ELMO1: variants seen among roughly 807,000 people sequenced by gnomAD.
The protein encoded by ELMO1 is engulfment and cell motility 1, also known as engulfment and cell motility protein 1.
A neutral mutation model predicts 98.9 loss-of-function variants in ELMO1; 26 were observed. The observed-to-expected ratio is 0.26, with a 90% CI of 0.19 to 0.36. The LOEUF (loss-of-function observed/expected upper bound fraction) is 0.36, where lower values mean the gene tolerates loss of function less well. Ranked by LOEUF, ELMO1 falls within the 10% of genes least tolerant of loss-of-function variation. The pLI, the probability that ELMO1 is intolerant of heterozygous loss-of-function variation, is 1.00. For missense variants in ELMO1, 627 were observed against 935.2 expected, an observed-to-expected ratio of 0.67 and a Z score of 4.30; for synonymous variants, 346 against 346.0, an observed-to-expected ratio of 1.00 and a Z score of 0.00.
At chr7:37,341,592 AG>A (rs1441011810) in intron 2 of ELMO1, among the ~76,000 whole-genome samples, 2 of 152,212 alleles carry the variant, frequency 1.3e-5, no homozygotes, top group Non-Finnish European at 2.9e-5. Flanking sequence ...TTTGAGTTTA[AG>A]TTCAATTAAT....
intron 13 of ELMO1, among the ~76,000 whole-genome samples, chr7:37,156,649 T>G (rs1046730870): frequency 6.6e-6 from 1 of 152,090 alleles, no homozygotes; most frequent in African/African-American, 2.4e-5. Context: ...AATAGAACAA[T>G]AACAGGTTCT....
chr7:36,969,636 G>T (rs892258440), intron 16 of ELMO1, among the ~76,000 whole-genome samples: 6 of 151,920 alleles, frequency 3.9e-5, no homozygotes, highest in African/African-American at 1.5e-4. Flanking sequence ...GTGGGGGTGT[G>T]GGGTAGGAGG....
intron 1 of ELMO1, among the ~76,000 whole-genome samples, chr7:37,431,639 T>A (rs1454810466): frequency 6.6e-6 from 1 of 152,212 alleles, no homozygotes; most frequent in Non-Finnish European, 1.5e-5. Context: ...CCTGGTACAC[T>A]GCCAGAAATG....
intron 7 of ELMO1, among the ~76,000 whole-genome samples, chr7:37,238,753 T>A (rs1191361686): frequency 6.6e-6 from 1 of 152,190 alleles, no homozygotes; most frequent in African/African-American, 2.4e-5. Context: ...TTATTATTAA[T>A]ATACATTAGA....
At chr7:36,922,005 C>A (rs576233314) in intron 16 of ELMO1, among the ~76,000 whole-genome samples, 3 of 152,118 alleles carry the variant, frequency 2.0e-5, no homozygotes, top group Admixed American at 6.6e-5. Flanking sequence ...ATATTTGCTC[C>A]TTGCTAATTT....
chr7:36,983,606 CA>C (rs1217850509), intron 16 of ELMO1, among the ~76,000 whole-genome samples: 26 of 152,010 alleles, frequency 1.7e-4, no homozygotes, highest in Non-Finnish European at 2.9e-4. Context: ...CTAAAACAGG[CA>C]AAAAAACTTA....
intron 21 of ELMO1, among the ~76,000 whole-genome samples, chr7:36,860,463 A>G (rs1395790084): frequency 6.6e-6 from 1 of 152,254 alleles, no homozygotes; most frequent in Non-Finnish European, 1.5e-5. Context: ...TCACAAGCAT[A>G]TGGCATTTTT....
chr7:37,391,780 C>T (rs1023659997), intron 1 of ELMO1, among the ~76,000 whole-genome samples: 1 of 152,204 alleles, frequency 6.6e-6, no homozygotes, highest in South Asian at 2.1e-4. Flanking sequence ...GTAACACTCA[C>T]CAGGGAAGAG....
rs111787607 is a variant in ELMO1 at position 37,214,727 on chromosome 7, G to A, written c.832-1270C>T. ...TATCCTCCAATCCTCAGAAAAGCAT[G>A]TTAACTCATGGCACACACTTAGTAT... On this transcript the variant is annotated intron_variant, in intron 11 of 21. Transcript: ENST00000310758. Among the ~76,000 whole-genome samples the A allele has an allele frequency of 2.6e-5, 4 of 152,316 alleles. 1 individual carries two copies. The highest frequency in any genetic ancestry group is 9.6e-5 in the African/African-American group (4 of 41,570).
intron 1 of ELMO1, among the ~76,000 whole-genome samples, chr7:37,382,413 T>C (rs1002923398): frequency 2.0e-5 from 3 of 152,234 alleles, no homozygotes; most frequent in African/African-American, 7.2e-5. Context: ...GTTCAGAGTA[T>C]GCCATTCAAA....
intron 18 of ELMO1, among the ~76,000 whole-genome samples, chr7:36,882,533 C>T (rs187020491): frequency 6.6e-6 from 1 of 152,208 alleles, no homozygotes; most frequent in African/African-American, 2.4e-5. Flanking sequence ...AATTCTGCCT[C>T]CCTGGACACA....
At chr7:36,944,526 CATT>C (rs771215836) in intron 16 of ELMO1, among the ~76,000 whole-genome samples, 12 of 152,158 alleles carry the variant, frequency 7.9e-5, no homozygotes, top group Non-Finnish European at 1.0e-4. Flanking sequence ...AAAGATGATT[CATT>C]ATTTTCTCTG....
At chr7:36,952,142 T>G (rs920063997) in intron 16 of ELMO1, among the ~76,000 whole-genome samples, 1 of 152,138 alleles carries the variant, frequency 6.6e-6, no homozygotes, top group African/African-American at 2.4e-5. Context: ...GTTCAGCATC[T>G]CTGAGGCCTG....
At chr7:37,063,168 T>C (rs1362514333) in intron 15 of ELMO1, among the ~76,000 whole-genome samples, 1 of 152,332 alleles carries the variant, frequency 6.6e-6, no homozygotes, top group South Asian at 2.1e-4. Context: ...CTGAAACTTA[T>C]GTGAAAGTCC....
chr7:37,237,815 CTT>C (rs1245058259), intron 7 of ELMO1, among the ~76,000 whole-genome samples: 1 of 152,192 alleles, frequency 6.6e-6, no homozygotes, highest in Non-Finnish European at 1.5e-5. Context: ...AAAAGCATGA[CTT>C]ATGTCAGCAA....
At chr7:37,283,054 T>C (rs555602698) in intron 4 of ELMO1, among the ~76,000 whole-genome samples, 8 of 152,302 alleles carry the variant, frequency 5.3e-5, no homozygotes, top group African/African-American at 1.9e-4. Context: ...AATGGTTTGC[T>C]CTCTCTGTAT....
intron 6 of ELMO1, among the ~76,000 whole-genome samples, chr7:37,246,091 T>C (rs970142210): frequency 1.3e-5 from 2 of 152,084 alleles, no homozygotes; most frequent in Non-Finnish European, 2.9e-5. Flanking sequence ...ATGAGGTCAA[T>C]GAACGCAGAG....
intron 15 of ELMO1, among the ~76,000 whole-genome samples, chr7:37,049,536 T>C (rs118063979): frequency 0.14 from 20,599 of 152,128 alleles, 1,897 homozygotes; most frequent in Non-Finnish European, 0.19. Context: ...GAGCCTGCTG[T>C]ATCCTTCTCT....
At chr7:37,305,711 T>C (rs1798577973) in intron 4 of ELMO1, among the ~76,000 whole-genome samples, 1 of 152,224 alleles carries the variant, frequency 6.6e-6, no homozygotes, top group East Asian at 1.9e-4. Flanking sequence ...GAAAACTATG[T>C]AACATAAAAC....
Sources: gnomAD v4.1 joint callset for allele counts (sites outside exome capture counted in the v4.1 genomes callset) on GRCh38, gnomAD v4.1.1 for gene constraint, MANE v1.5 for transcripts, NCBI Gene and HGNC (gene_info 2026-07-23, HGNC 2026-07-21) for gene names.